Variants in TTC6 observed in about 807,000 individuals in gnomAD.
TTC6 encodes tetratricopeptide repeat protein 6.
In TTC6, 172 loss-of-function variants were observed where a neutral mutation model predicts 210.4. The observed-to-expected ratio is 0.82, with a 90% CI of 0.72 to 0.93. The LOEUF (loss-of-function observed/expected upper bound fraction) is 0.93. Among genes scored for constraint, TTC6 ranks in the 40% least tolerant of loss-of-function variants. The pLI, the probability that TTC6 is intolerant of heterozygous loss-of-function variation, is 0.00. For synonymous variants in TTC6, 804 were observed against 819.6 expected (o/e 0.98, Z 0.32); for missense variants, 2,414 against 2,318.1 (o/e 1.04, Z -0.85).
intron 12 of TTC6, 101 bp downstream of exon 14, chr14:37,749,944 T>C: frequency 2.5e-6 from 2 of 816,136 alleles, no homozygotes; most frequent in Non-Finnish European, 3.2e-6. Flanking sequence ...ATATATGTCC[T>C]GAAAATGACT....
At chr14:37,760,023 C>G (rs569519533) in intron 14 of TTC6, among the ~76,000 whole-genome samples, 6 of 152,336 alleles carry the variant, frequency 3.9e-5, no homozygotes, top group South Asian at 2.1e-4. Flanking sequence ...ATCTCATTCT[C>G]TATCCAGTTT....
At chr14:37,673,159 CAT>C (rs2095761827) in intron 1 of TTC6, among the ~76,000 whole-genome samples, 1 of 152,034 alleles carries the variant, frequency 6.6e-6, no homozygotes, top group African/African-American at 2.4e-5. Context: ...CCAGAACAAT[CAT>C]ATAAATGTTT....
intron 15 of TTC6, among the ~76,000 whole-genome samples, chr14:37,787,982 T>C (rs1349684625): frequency 6.6e-6 from 1 of 151,598 alleles, no homozygotes; most frequent in Non-Finnish European, 1.5e-5. Flanking sequence ...ATATACTGGG[T>C]TCTGAAGATT....
At chr14:37,723,653 T>A (rs897837373) in intron 6 of TTC6, among the ~76,000 whole-genome samples, 3 of 152,212 alleles carry the variant, frequency 2.0e-5, no homozygotes, top group African/African-American at 7.2e-5. Context: ...TCCTGTGGGA[T>A]ACAACTTTAT....
chr14:37,679,755 A>G (rs1221775216), intron 1 of TTC6, among the ~76,000 whole-genome samples: 1 of 152,096 alleles, frequency 6.6e-6, no homozygotes, highest in East Asian at 1.9e-4. Flanking sequence ...CAATGGCATG[A>G]TCTCAGCTCA....
chr14:37,761,308 T>G (rs548787693), intron 14 of TTC6, among the ~76,000 whole-genome samples: 1 of 151,922 alleles, frequency 6.6e-6, no homozygotes, highest in South Asian at 2.1e-4. Flanking sequence ...CTGCTTCTGC[T>G]TGCCTTCTGT....
rs1336483337 is a variant in TTC6, at chr14:37,840,151, A to G, written c.5299-1294A>G. ...AAATAGACACAATAAAAAATGATAA[A>G]GGGGATAACACCACCAATCCCACAG... is the stretch of plus-strand genomic sequence containing the variant. On this transcript the variant is annotated intron_variant, in intron 29 of 30. Coordinates refer to ENST00000553443, the Ensembl canonical transcript of TTC6. Among the ~76,000 whole-genome samples the G allele has an allele frequency of 3.9e-5, 6 of 152,336 alleles. No individual in the cohort carries two copies. The South Asian group carries it at 6.2e-4, about 16-fold the overall frequency.
intron 14 of TTC6, among the ~76,000 whole-genome samples, chr14:37,778,564 C>G (rs2096045151): frequency 6.6e-6 from 1 of 152,068 alleles, no homozygotes; most frequent in Non-Finnish European, 1.5e-5. Flanking sequence ...TGTGTGTGCA[C>G]CTACAAAGTG....
chr14:37,730,848 A>C (rs902765690), intron 7 of TTC6, among the ~76,000 whole-genome samples: 9 of 152,210 alleles, frequency 5.9e-5, no homozygotes, highest in African/African-American at 2.2e-4. Flanking sequence ...TCTTGTTTAA[A>C]ATGAAGACTT....
intron 1 of TTC6, among the ~76,000 whole-genome samples, chr14:37,602,204 C>T (rs942550346): frequency 6.6e-6 from 1 of 152,234 alleles, no homozygotes; most frequent in Non-Finnish European, 1.5e-5. Flanking sequence ...CTTAGCTGGC[C>T]GTGGCGGAGA....
At chr14:37,610,540 C>A (rs2095632596) in intron 2 of TTC6, among the ~76,000 whole-genome samples, 1 of 152,124 alleles carries the variant, frequency 6.6e-6, no homozygotes, top group African/African-American at 2.4e-5. Context: ...TCTTTTTGAG[C>A]TTTTAAAAAA....
At chr14:37,702,966 C>G (rs534984298) in intron 5 of TTC6, among the ~76,000 whole-genome samples, 18 of 151,996 alleles carry the variant, frequency 1.2e-4, no homozygotes, top group African/African-American at 4.3e-4. Context: ...TTTAGTTTTG[C>G]TTTATCAAAT....
chr14:37,782,944 A>T (rs1429371948), intron 14 of TTC6, among the ~76,000 whole-genome samples: 1 of 152,204 alleles, frequency 6.6e-6, no homozygotes, highest in Non-Finnish European at 1.5e-5. Flanking sequence ...TGATTCGTGT[A>T]TGTTGAATCA....
intron 14 of TTC6, among the ~76,000 whole-genome samples, chr14:37,769,231 A>G (rs1248414674): frequency 1.3e-5 from 2 of 151,740 alleles, no homozygotes; most frequent in African/African-American, 2.4e-5. Context: ...TTTTTGCATC[A>G]ATGTTCATCA....
At position 37,800,523 on chromosome 14, in the gene TTC6, G is replaced by A. The variant is rs376424450; in HGVS notation, c.4029+3576G>A. On this transcript the variant is annotated intron_variant, in intron 20 of 30. Transcript: ENST00000553443. ...CAAGAGAAAAGGACAAGGTGTGGCC[G>A]GACAACACTTTGCTAAGAACTTAGA... 4.7e-4 allele frequency among the ~76,000 whole-genome samples: 71 copies of A among 152,176 alleles called. 1 individual carries two copies. In the South Asian group the frequency reaches 0.014, roughly 30 times the overall value.
chr14:37,690,020 A>G (rs2095800762), intron 3 of TTC6, among the ~76,000 whole-genome samples: 1 of 152,216 alleles, frequency 6.6e-6, no homozygotes, highest in East Asian at 1.9e-4. Flanking sequence ...AGATATAAAC[A>G]GTACCATAGA....
At chr14:37,742,304 T>A (rs2095922592) in intron 10 of TTC6, among the ~76,000 whole-genome samples, 1 of 152,206 alleles carries the variant, frequency 6.6e-6, no homozygotes, top group Admixed American at 6.5e-5. Context: ...CTTGTGCTGC[T>A]GCATTCCTCA....
At chr14:37,822,040 A>T (rs1464598584) in intron 26 of TTC6, among the ~76,000 whole-genome samples, 3 of 151,812 alleles carry the variant, frequency 2.0e-5, no homozygotes, top group African/African-American at 4.8e-5. Context: ...CAGCCTCCCA[A>T]AGTGCTGTGA....
intron 14 of TTC6, among the ~76,000 whole-genome samples, chr14:37,779,240 T>C (rs890061221): frequency 1.5e-4 from 23 of 152,280 alleles, no homozygotes; most frequent in African/African-American, 4.8e-4. Flanking sequence ...TGCTTCATCT[T>C]TGTCCTCTTT....
Sources: allele counts gnomAD v4.1 joint callset (sites outside exome capture counted in the v4.1 genomes callset), GRCh38; gene constraint gnomAD v4.1.1; transcripts MANE v1.5; gene names NCBI Gene and HGNC (gene_info 2026-07-23, HGNC 2026-07-21).